The following LRRC53 variants were observed in gnomAD, a reference collection of about 807,000 sequenced individuals.
LRRC53 encodes the protein leucine-rich repeat-containing protein 53.
A neutral mutation model predicts 13.6 loss-of-function variants in LRRC53; 25 were observed. The observed-to-expected ratio is 1.83, with a 90% CI of 1.34 to 2.56. The LOEUF (loss-of-function observed/expected upper bound fraction) is 2.56, where lower values mean the gene tolerates loss of function less well. Among genes scored for constraint, LRRC53 ranks in the 30% most tolerant of loss-of-function variants. The pLI is 0.00. For synonymous variants in LRRC53, 204 were observed against 109.8 expected, an observed-to-expected ratio of 1.86 and a Z score of -5.37; for missense variants, 527 against 275.8, an observed-to-expected ratio of 1.91 and a Z score of -6.45.
intron 1 of LRRC53, among the ~76,000 whole-genome samples, chr1:74,494,213 T>C (rs1381449872): frequency 6.6e-6 from 1 of 152,082 alleles, no homozygotes; most frequent in Non-Finnish European, 1.5e-5. Flanking sequence ...ACTCATACAC[T>C]CCATTATCAG....
In LRRC53 at chr1:74,492,168, C is replaced by T. The variant is rs919086792; in HGVS notation, c.-26-8793G>A. 6 of 1,612,908 alleles carry T rather than the reference C, an allele frequency of 3.7e-6. No individual in the cohort carries two copies. The highest frequency in any genetic ancestry group is 5.1e-6 in the Non-Finnish European group (6 of 1,179,178). On this transcript the variant is annotated intron_variant, in intron 1 of 4. Coordinates refer to ENST00000294635, the MANE Select transcript of LRRC53 (RefSeq NM_001382280.1). Reference sequence around the variant, plus strand: ...CTTCTTCTTCTGATTGCCTGGTGAACCGGGGAGGACCTGGCCGGAGTCATG... The same window carrying T: ...CTTCTTCTTCTGATTGCCTGGTGAATCGGGGAGGACCTGGCCGGAGTCATG...
At chr1:74,533,420 T>G in the LRRC53 span, among the ~76,000 whole-genome samples, 1 of 152,186 alleles carries the variant, frequency 6.6e-6, no homozygotes, top group Non-Finnish European at 1.5e-5. Context: ...CATCAGGTGC[T>G]GGAGAGGATG....
the LRRC53 span, among the ~76,000 whole-genome samples, chr1:74,535,752 A>G: frequency 6.6e-6 from 1 of 152,182 alleles, no homozygotes; most frequent in South Asian, 2.1e-4. Context: ...TGGGAATGTC[A>G]TCTATATGAA....
At position 74,471,888 on chromosome 1, in the gene LRRC53, G is replaced by T; in HGVS notation, c.1734C>A (p.Pro578=). 1 of 482,224 alleles carries T rather than the reference G, an allele frequency of 2.1e-6. No individual in the cohort carries two copies. The highest frequency in any genetic ancestry group is 3.2e-5 in the East Asian group (1 of 30,920). 29.9% of individuals were successfully genotyped at this position (482,224 alleles called of 1,614,324 possible). A position where few individuals can be genotyped will look rare whatever the true frequency, so the allele number is the denominator to read the frequency against. ...TCATGTAATCTTCAAATTGCTCACA[G>T]GGCACATATTTACAGATAAGAGAAT... is the stretch of plus-strand genomic sequence containing the variant. The part of the protein sequence containing the change: ...PNNSLICKYV[P]CEQFEDYMKE... The change falls in exon 5 of 5, where the codon CCC becomes CCA. Residue 578 remains proline, a synonymous_variant. Transcript: ENST00000294635.
intron 1 of LRRC53, among the ~76,000 whole-genome samples, chr1:74,491,457 G>A (rs1300815120): frequency 6.6e-6 from 1 of 152,054 alleles, no homozygotes; most frequent in Non-Finnish European, 1.5e-5. Context: ...GACCAGGATG[G>A]TGTCGATCTC....
intron 3 of LRRC53, among the ~76,000 whole-genome samples, chr1:74,476,381 T>TATCACA (rs1668208391): frequency 6.6e-6 from 1 of 152,178 alleles, no homozygotes; most frequent in African/African-American, 2.4e-5. Context: ...ATTATCTGTC[T>TATCACA]ATCACAATGA....
At chr1:74,511,641 T>A (rs774772406) in intron 1 of LRRC53, among the ~76,000 whole-genome samples, 1 of 152,070 alleles carries the variant, frequency 6.6e-6, no homozygotes, top group Non-Finnish European at 1.5e-5. Context: ...GGATTAGAGA[T>A]CTCTTCAGTC....
At chr1:74,521,627 G>A in the LRRC53 span, among the ~76,000 whole-genome samples, 689 of 152,088 alleles carry the variant, frequency 4.5e-3, 6 homozygotes, top group African/African-American at 0.015. Context: ...TGGTAAAGAC[G>A]CACTATATTC....
chr1:74,488,058 T>C (rs1668857391), intron 1 of LRRC53, among the ~76,000 whole-genome samples: 1 of 152,204 alleles, frequency 6.6e-6, no homozygotes. Context: ...GCTATTTTAA[T>C]GATCATTTGC....
At chr1:74,496,522 T>C (rs561028432) in intron 1 of LRRC53, among the ~76,000 whole-genome samples, 5 of 152,296 alleles carry the variant, frequency 3.3e-5, no homozygotes, top group African/African-American at 1.2e-4. Context: ...TACTTTTCAA[T>C]TTTTGGTCAT....
chr1:74,519,502 G>T, the LRRC53 span, among the ~76,000 whole-genome samples: 2 of 125,622 alleles, frequency 1.6e-5, no homozygotes, highest in Non-Finnish European at 3.0e-5. Flanking sequence ...CCCACCAACA[G>T]TGTAAAAGTG....
At chr1:74,507,467 G>A (rs1235372678) in intron 1 of LRRC53, among the ~76,000 whole-genome samples, 2 of 152,160 alleles carry the variant, frequency 1.3e-5, no homozygotes, top group African/African-American at 4.8e-5. Context: ...CACAGAGTAA[G>A]CTTCTTGAAG....
rs915447592 is a variant in LRRC53, at chr1:74,471,812, T to A, written c.1810A>T (p.Ile604Phe). Residue 604 changes from isoleucine (I) to phenylalanine (F), a missense_variant, in exon 5 of 5, where the codon ATC becomes TTC. Physicochemically the swap from Ile to Phe is conservative, Grantham distance 21. Coordinates refer to ENST00000294635, the MANE Select transcript of LRRC53 (RefSeq NM_001382280.1). ...RQHSKPEKEQIQINSAIEKFL... is the reference protein window; with the variant it reads ...RQHSKPEKEQFQINSAIEKFL... ...TTTTCTATTGCACTGTTAATTTGGA[T>A]TTGCTCTTTCTCAGGCTTTGAGTGT... 31 of 432,364 alleles carry A rather than the reference T, an allele frequency of 7.2e-5. No homozygotes were observed. Among genetic ancestry groups the A allele is most frequent in the Non-Finnish European group, 1.2e-4 (30 of 245,326 alleles). The allele number at this position is 432,364 out of a possible 1,614,324, so 26.8% of individuals were successfully genotyped here.
the LRRC53 span, among the ~76,000 whole-genome samples, chr1:74,520,787 A>C: frequency 6.6e-6 from 1 of 152,114 alleles, no homozygotes; most frequent in Non-Finnish European, 1.5e-5. Context: ...TTTGAGTTGC[A>C]ACATGTGGGT....
At chr1:74,509,747 C>CTT (rs68193106) in intron 1 of LRRC53, among the ~76,000 whole-genome samples, 10 of 47,816 alleles carry the variant, frequency 2.1e-4, no homozygotes, top group Non-Finnish European at 2.5e-4. Context: ...ATCTGAATTT[C>CTT]TTTTTTTTTT....
the LRRC53 span, among the ~76,000 whole-genome samples, chr1:74,535,230 A>G: frequency 6.6e-6 from 1 of 152,158 alleles, no homozygotes; most frequent in Non-Finnish European, 1.5e-5. Context: ...TAATCCAAGC[A>G]CTTTGGGAGG....
At chr1:74,472,537 A>T (rs896685609) in intron 4 of LRRC53, among the ~76,000 whole-genome samples, 1 of 152,142 alleles carries the variant, frequency 6.6e-6, no homozygotes, top group Non-Finnish European at 1.5e-5. Context: ...GTAAATGGCT[A>T]TAGTAATTTT....
chr1:74,524,425 C>G, the LRRC53 span, among the ~76,000 whole-genome samples: 1 of 152,126 alleles, frequency 6.6e-6, no homozygotes, highest in South Asian at 2.1e-4. Flanking sequence ...CTGGCTGTGG[C>G]CACAGCTAGA....
chr1:74,471,059 A>T lies in LRRC53; in HGVS notation c.2563T>A (p.Ser855Thr), dbSNP rs1406023962. Residue 855 changes from serine (S) to threonine (T), a missense_variant, in exon 5 of 5, where the codon TCT becomes ACT. Ser to Thr is a moderately conservative substitution (Grantham distance 58). Transcript: ENST00000294635. The stretch of plus-strand genomic sequence containing the variant: ...TCCATTTGCTCAGTTGAGAATTGAG[A>T]ATGTGAGTGCCTGTGCTCAGCATCA... ...PTDAEHRHSH[S>T]QFSTEQMEDA... is the part of the protein sequence containing the mutation. The T allele has an allele frequency of 5.0e-6, 2 of 400,520 alleles. No homozygotes were observed. Among genetic ancestry groups the T allele is most frequent in the Middle Eastern group, 3.1e-4 (1 of 3,242 alleles). 24.8% of individuals were successfully genotyped at this position (400,520 alleles called of 1,614,324 possible).
Sources: allele counts gnomAD v4.1 joint callset (sites outside exome capture counted in the v4.1 genomes callset), GRCh38; gene constraint gnomAD v4.1.1; transcripts MANE v1.5; gene names NCBI Gene and HGNC (gene_info 2026-07-23, HGNC 2026-07-21).